The following LDLRAD3 variants were observed in gnomAD, a reference collection of about 807,000 sequenced individuals.
LDLRAD3 encodes low-density lipoprotein receptor class A domain-containing protein 3.
Under a neutral mutation model 29.4 loss-of-function variants are expected in LDLRAD3, and 20 were observed. The ratio of observed to expected loss-of-function variants is 0.68; its 90% CI spans 0.48 to 0.99. The LOEUF is 0.99. Among genes scored for constraint, LDLRAD3 ranks in the 50% least tolerant of loss-of-function variants. The probability of loss-of-function intolerance (pLI) is 0.00; values close to 1 mark genes in which losing one functional copy is unlikely to be tolerated. For synonymous variants in LDLRAD3, 157 were observed against 192.7 expected, an observed-to-expected ratio of 0.81 and a Z score of 1.53; for missense variants, 420 against 454.3, an observed-to-expected ratio of 0.92 and a Z score of 0.69.
In LDLRAD3 at chr11:36,144,837, C is replaced by T. The variant is rs550945222; in HGVS notation, c.454+46376C>T. Among the ~76,000 whole-genome samples, 365 of 123,802 alleles carry T rather than the reference C, an allele frequency of 2.9e-3. 6 individuals are homozygous for T. The highest frequency in any genetic ancestry group is 0.011 in the African/African-American group (346 of 32,824). The allele number at this position is 123,802 out of a possible 152,430, so 81.2% of individuals were successfully genotyped here. A position where few individuals can be genotyped will look rare whatever the true frequency, so the allele number is the denominator to read the frequency against. Reference sequence around the variant, plus strand: ...TCAGCCCCCCGCCCGGCCAGCCGCCCGTCCGGGAGGGAGGTGGGGGGGTCA... The same window carrying T: ...TCAGCCCCCCGCCCGGCCAGCCGCCTGTCCGGGAGGGAGGTGGGGGGGTCA... On this transcript the variant is annotated intron_variant, in intron 4 of 5. Coordinates refer to ENST00000315571, the MANE Select transcript of LDLRAD3 (RefSeq NM_174902.4).
At chr11:35,966,714 C>T in intron 1 of LDLRAD3, among the ~76,000 whole-genome samples, 1 of 152,158 alleles carries the variant, frequency 6.6e-6, no homozygotes, top group East Asian at 1.9e-4. Flanking sequence ...TACAGTCTTA[C>T]TTTTACCCAC....
rs80254413 is a variant in LDLRAD3, at chr11:36,033,763, G to T, written c.47-2340G>T. Among the ~76,000 whole-genome samples, 327 of 152,306 alleles carry T rather than the reference G, an allele frequency of 2.1e-3. 2 individuals are homozygous for T. The highest frequency in any genetic ancestry group is 3.5e-3 in the Non-Finnish European group (241 of 68,036). ...GCTGCCCTTCTAGGGTCCCCCTCAAGCCCTTGCCTGGAGATGGTGAATTGG... is the reference window on the plus strand; with the variant it reads ...GCTGCCCTTCTAGGGTCCCCCTCAATCCCTTGCCTGGAGATGGTGAATTGG... On this transcript the variant is annotated intron_variant, in intron 1 of 5. Coordinates refer to ENST00000315571, the MANE Select transcript of LDLRAD3 (RefSeq NM_174902.4).
intron 1 of LDLRAD3, among the ~76,000 whole-genome samples, chr11:36,003,628 C>A (rs113278550): frequency 1.5e-3 from 230 of 152,294 alleles, no homozygotes; most frequent in African/African-American, 5.5e-3. Flanking sequence ...AAGGGTAGAA[C>A]CTCTGCCTAT....
At chr11:35,976,074 C>T (rs1641355630) in intron 1 of LDLRAD3, among the ~76,000 whole-genome samples, 1 of 151,768 alleles carries the variant, frequency 6.6e-6, no homozygotes, top group African/African-American at 2.4e-5. Context: ...GTCTCATTTT[C>T]CTAGGAGTGT....
At chr11:36,154,831 C>A (rs1351637127) in intron 4 of LDLRAD3, among the ~76,000 whole-genome samples, 1 of 152,152 alleles carries the variant, frequency 6.6e-6, no homozygotes, top group Non-Finnish European at 1.5e-5. Flanking sequence ...ATGGACAAAC[C>A]AACCACCAGG....
intron 1 of LDLRAD3, among the ~76,000 whole-genome samples, chr11:35,959,708 G>A (rs1369852297): frequency 6.6e-6 from 1 of 152,016 alleles, no homozygotes; most frequent in Non-Finnish European, 1.5e-5. Context: ...GATCACTTGA[G>A]GCCAGGAGTT....
chr11:35,968,487 T>C (rs1851369739), intron 1 of LDLRAD3: 1 of 365,026 alleles, frequency 2.7e-6, no homozygotes, highest in East Asian at 6.9e-5. Context: ...GGATCTTCTT[T>C]TTCTTTTTCC....
Position 36,121,134 on chromosome 11 carries a change from C to T in LDLRAD3, c.454+22673C>T, listed in dbSNP as rs190057522. Among the ~76,000 whole-genome samples, 20 of 152,128 alleles carry T rather than the reference C, an allele frequency of 1.3e-4. No homozygotes were observed. In the South Asian group the frequency reaches 1.9e-3, roughly 14 times the overall value. ...GCATCATAGACACTCAATAACCATT[C>T]GTTGAATATGCAATTGGATGAAATG... is the stretch of plus-strand genomic sequence containing the variant. On this transcript the variant is annotated intron_variant, in intron 4 of 5. Coordinates refer to ENST00000315571, the MANE Select transcript of LDLRAD3 (RefSeq NM_174902.4).
Position 36,035,889 on chromosome 11 carries a change from G to A in LDLRAD3, c.47-214G>A, listed in dbSNP as rs930457370. On this transcript the variant is annotated intron_variant, in intron 1 of 5. Transcript: ENST00000315571. Reference sequence around the variant, plus strand: ...TTGTGCCTGACATTCAAGTATGTTTGTTCCCTGTATTTCTCCATTTAGTCC... The same window carrying A: ...TTGTGCCTGACATTCAAGTATGTTTATTCCCTGTATTTCTCCATTTAGTCC... 1.2e-4 allele frequency among the ~76,000 whole-genome samples: 19 copies of A among 152,286 alleles called. No homozygotes were observed. The South Asian group carries it at 1.5e-3, about 12-fold the overall frequency.
chr11:35,982,134 AT>A (rs1207100685), intron 1 of LDLRAD3, among the ~76,000 whole-genome samples: 1 of 152,076 alleles, frequency 6.6e-6, no homozygotes, highest in Non-Finnish European at 1.5e-5. Flanking sequence ...ACAGAAATTT[AT>A]TGTCTCACAG....
intron 3 of LDLRAD3, among the ~76,000 whole-genome samples, chr11:36,084,216 T>C (rs773835101): frequency 6.6e-6 from 1 of 152,220 alleles, no homozygotes. Context: ...TGAGCCACCA[T>C]GCCTGGTCTG....
chr11:35,995,365 T>C (rs1250299908), intron 1 of LDLRAD3, among the ~76,000 whole-genome samples: 1 of 152,242 alleles, frequency 6.6e-6, no homozygotes, highest in Non-Finnish European at 1.5e-5. Flanking sequence ...AATCTTTTCC[T>C]GAGCAGTAGG....
chr11:36,221,279 AGG>A (rs1855422705), intron 4 of LDLRAD3, among the ~76,000 whole-genome samples: 1 of 151,790 alleles, frequency 6.6e-6, no homozygotes, highest in Admixed American at 6.6e-5. Flanking sequence ...TGAACCCAGG[AGG>A]TGGAGGTTGC....
At chr11:36,070,774 A>ATCAC (rs1301026564) in intron 2 of LDLRAD3, among the ~76,000 whole-genome samples, 6 of 152,264 alleles carry the variant, frequency 3.9e-5, no homozygotes, top group African/African-American at 1.4e-4. Context: ...CTGCAGGTGG[A>ATCAC]TCACTGACTT....
chr11:35,963,355 C>T (rs1474559817), intron 1 of LDLRAD3, among the ~76,000 whole-genome samples: 2 of 151,846 alleles, frequency 1.3e-5, no homozygotes, highest in East Asian at 3.9e-4. Context: ...CAGATCACCA[C>T]ATTCTGACAG....
intron 4 of LDLRAD3, among the ~76,000 whole-genome samples, chr11:36,146,036 G>C (rs900977545): frequency 6.7e-6 from 1 of 149,312 alleles, no homozygotes; most frequent in African/African-American, 2.5e-5. Context: ...TGGAGGTTAG[G>C]ACTTCAACAC....
At chr11:36,024,291 T>C (rs1360047306) in intron 1 of LDLRAD3, among the ~76,000 whole-genome samples, 1 of 152,152 alleles carries the variant, frequency 6.6e-6, no homozygotes, top group Admixed American at 6.5e-5. Flanking sequence ...CTCTTGTATG[T>C]CCACATTTTA....
chr11:36,077,481 C>T (rs1474670329), intron 2 of LDLRAD3, among the ~76,000 whole-genome samples: 1 of 152,204 alleles, frequency 6.6e-6, no homozygotes. Flanking sequence ...GCCTAGATCC[C>T]ATACCTGCCA....
intron 4 of LDLRAD3, among the ~76,000 whole-genome samples, chr11:36,212,232 GTAGAATGAT>G (rs1400190176): frequency 6.6e-6 from 1 of 152,148 alleles, no homozygotes; most frequent in Non-Finnish European, 1.5e-5. Context: ...CTTTGGATGG[GTAGAATGAT>G]TAGATTGATC....
Sources: gnomAD v4.1 joint callset for allele counts (sites outside exome capture counted in the v4.1 genomes callset) on GRCh38, gnomAD v4.1.1 for gene constraint, MANE v1.5 for transcripts, NCBI Gene and HGNC (gene_info 2026-07-23, HGNC 2026-07-21) for gene names.